Variants in CCDC171 observed in about 807,000 individuals in gnomAD.
The protein encoded by CCDC171 is coiled-coil domain-containing protein 171.
Under a neutral mutation model 168.2 loss-of-function variants are expected in CCDC171, and 177 were observed. The ratio of observed to expected loss-of-function variants is 1.05; its 90% CI spans 0.93 to 1.19. CCDC171 has a LOEUF of 1.19. Ranked by LOEUF, CCDC171 falls within the 50% of genes most tolerant of loss-of-function variation. The pLI is 0.00. For synonymous variants in CCDC171, 687 were observed against 540.8 expected (o/e 1.27, Z -3.75); for missense variants, 1,991 against 1,539.0 (o/e 1.29, Z -4.91).
chr9:15,926,722 GAC>G (rs1564011931), intron 25 of CCDC171, among the ~76,000 whole-genome samples: 2 of 151,666 alleles, frequency 1.3e-5, no homozygotes, highest in African/African-American at 4.8e-5. Context: ...ATGAAACAAA[GAC>G]ACAGTGTCTG....
At chr9:15,649,672 A>G (rs868232494) in intron 7 of CCDC171, among the ~76,000 whole-genome samples, 1 of 152,228 alleles carries the variant, frequency 6.6e-6, no homozygotes, top group African/African-American at 2.4e-5. Context: ...TGGCCATCAG[A>G]GAAATGCAAA....
chr9:15,860,703 A>C (rs1258919376), intron 23 of CCDC171, among the ~76,000 whole-genome samples: 1 of 151,924 alleles, frequency 6.6e-6, no homozygotes, highest in Non-Finnish European at 1.5e-5. Context: ...ACGTGTGTAC[A>C]CTTGAGAACA....
At chr9:15,646,343 C>G (rs1029421100) in intron 7 of CCDC171, among the ~76,000 whole-genome samples, 1 of 152,168 alleles carries the variant, frequency 6.6e-6, no homozygotes, top group Admixed American at 6.5e-5. Flanking sequence ...ACTGCATCAA[C>G]TAATGAGCAA....
intron 24 of CCDC171, among the ~76,000 whole-genome samples, chr9:15,882,113 T>C (rs1818730323): frequency 6.6e-6 from 1 of 152,208 alleles, no homozygotes; most frequent in Admixed American, 6.5e-5. Flanking sequence ...CATTATTGCC[T>C]GTCTTTTTAA....
Position 15,781,760 on chromosome 9 carries a change from C to T in CCDC171, c.3081+2610C>T, listed in dbSNP as rs151275122. 5.5e-4 allele frequency among the ~76,000 whole-genome samples: 84 copies of T among 152,246 alleles called. No individual in the cohort carries two copies. The East Asian group carries it at 6.2e-3, about 11-fold the overall frequency. On this transcript the variant is annotated intron_variant, in intron 20 of 25. Transcript: ENST00000380701. Reference sequence around the variant, plus strand: ...TCCTATAATTATAAGTTATGAAGTACGTGACGATTTCTAACATTTAGTGAT... The same window carrying T: ...TCCTATAATTATAAGTTATGAAGTATGTGACGATTTCTAACATTTAGTGAT...
intron 4 of CCDC171, among the ~76,000 whole-genome samples, chr9:15,581,530 A>G (rs965959778): frequency 2.2e-4 from 34 of 152,332 alleles, no homozygotes; most frequent in African/African-American, 6.5e-4. Flanking sequence ...ACTTCAAACT[A>G]TACTACAAGA....
intron 12 of CCDC171, among the ~76,000 whole-genome samples, chr9:15,722,600 T>G (rs944302902): frequency 5.9e-5 from 9 of 152,214 alleles, no homozygotes; most frequent in African/African-American, 2.2e-4. Context: ...ACAAACAGAT[T>G]GTTAGAGTCA....
chr9:16,038,866 C>CAAAAAAAAAAAAAAAAAAA (rs375463651), upstream of CCDC171, among the ~76,000 whole-genome samples: 1 of 50,430 alleles, frequency 2.0e-5, no homozygotes. Context: ...CCTATCAGGC[C>CAAAAAAAAAAAAAAAAAAA]AAAAAAAAAA....
Position 15,920,357 on chromosome 9 carries a change from C to T in CCDC171, c.3688C>T (p.His1230Tyr). Residue 1230 changes from histidine (H) to tyrosine (Y), a missense_variant, in exon 25 of 26, where the codon CAC (histidine) becomes TAC (tyrosine). Physicochemically the swap from His to Tyr is moderately conservative, Grantham distance 83. Coordinates refer to ENST00000380701, the MANE Select transcript of CCDC171 (RefSeq NM_173550.4). ...LEKEMTSHRS[H>Y]IAALKSELHT... Reference sequence around the variant, plus strand: ...GAAGGAAATGACATCTCATCGAAGTCACATTGCAGCCTTGAAATCAGAACT... The same window carrying T: ...GAAGGAAATGACATCTCATCGAAGTTACATTGCAGCCTTGAAATCAGAACT... The T allele has an allele frequency of 6.2e-7, 1 of 1,610,210 alleles. No individual in the cohort carries two copies. The highest frequency in any genetic ancestry group is 8.5e-7 in the Non-Finnish European group (1 of 1,177,480).
intron 11 of CCDC171, among the ~76,000 whole-genome samples, chr9:15,712,301 C>G (rs975202672): frequency 3.9e-5 from 6 of 152,190 alleles, no homozygotes; most frequent in Non-Finnish European, 8.8e-5. Flanking sequence ...AAAAAATTCA[C>G]CATCACATCC....
At chr9:15,742,004 G>T (rs953833296) in intron 16 of CCDC171, among the ~76,000 whole-genome samples, 4 of 152,066 alleles carry the variant, frequency 2.6e-5, no homozygotes, top group Admixed American at 2.6e-4. Context: ...GAGACACTGA[G>T]GTTCACTTTT....
At chr9:15,755,128 A>T (rs16933552) in intron 18 of CCDC171, among the ~76,000 whole-genome samples, 1,553 of 152,220 alleles carry the variant, frequency 0.01, 32 homozygotes, top group African/African-American at 0.035. Flanking sequence ...TCAAATAGGA[A>T]TTTTTCCTCC....
At chr9:15,836,588 T>C (rs1206780253) in intron 21 of CCDC171, among the ~76,000 whole-genome samples, 2 of 152,150 alleles carry the variant, frequency 1.3e-5, no homozygotes, top group African/African-American at 2.4e-5. Flanking sequence ...CCTGACCTCG[T>C]GATCCGCCTG....
At chr9:15,770,974 T>C (rs2056982063) in intron 18 of CCDC171, among the ~76,000 whole-genome samples, 1 of 152,176 alleles carries the variant, frequency 6.6e-6, no homozygotes, top group South Asian at 2.1e-4. Flanking sequence ...TCATTGTAAT[T>C]ATTTTTACTC....
chr9:15,938,558 T>C (rs115168782), intron 25 of CCDC171, among the ~76,000 whole-genome samples: 1,538 of 152,022 alleles, frequency 0.01, 27 homozygotes, highest in African/African-American at 0.035. Flanking sequence ...GAAGTTACTT[T>C]ATGCACAGAG....
chr9:15,955,996 T>C (rs1425876209), intron 25 of CCDC171, among the ~76,000 whole-genome samples: 1 of 152,166 alleles, frequency 6.6e-6, no homozygotes, highest in Non-Finnish European at 1.5e-5. Flanking sequence ...AGATGAAAAA[T>C]GTGGCTGGAC....
At chr9:15,750,588 T>C (rs1006789496) in intron 18 of CCDC171, among the ~76,000 whole-genome samples, 2 of 151,170 alleles carry the variant, frequency 1.3e-5, no homozygotes, top group African/African-American at 4.9e-5. Context: ...GCAAACCGAA[T>C]CCAGCAGCAC....
At chr9:15,561,863 G>T (rs543869925) in intron 1 of CCDC171, among the ~76,000 whole-genome samples, 2 of 152,142 alleles carry the variant, frequency 1.3e-5, no homozygotes, top group South Asian at 4.1e-4. Flanking sequence ...AGACACACAG[G>T]CAGAGCTGGT....
intron 21 of CCDC171, among the ~76,000 whole-genome samples, chr9:15,810,266 A>G (rs997499945): frequency 6.6e-6 from 1 of 152,106 alleles, no homozygotes; most frequent in African/African-American, 2.4e-5. Context: ...ATTGGTGCAT[A>G]TACAATCCTC....
Sources: allele counts gnomAD v4.1 joint callset (sites outside exome capture counted in the v4.1 genomes callset), GRCh38; gene constraint gnomAD v4.1.1; transcripts MANE v1.5; gene names NCBI Gene and HGNC (gene_info 2026-07-23, HGNC 2026-07-21).